TOX: variants seen among roughly 807,000 people sequenced by gnomAD.
The protein encoded by TOX is thymocyte selection-associated high mobility group box protein TOX.
Under a neutral mutation model 53.7 loss-of-function variants are expected in TOX, and 11 were observed. The ratio of observed to expected loss-of-function variants is 0.20; its 90% CI spans 0.13 to 0.34. The LOEUF is 0.34. Among genes scored for constraint, TOX ranks in the 10% least tolerant of loss-of-function variants. The pLI is 1.00. For synonymous variants in TOX, 225 were observed against 245.3 expected (o/e 0.92, Z 0.77); for missense variants, 570 against 664.6 (o/e 0.86, Z 1.56).
intron 1 of TOX, among the ~76,000 whole-genome samples, chr8:58,989,188 C>A (rs1022588190): frequency 2.0e-5 from 3 of 152,006 alleles, no homozygotes; most frequent in African/African-American, 4.8e-5. Context: ...TGGTGGCATG[C>A]ACCTGTAATC....
chr8:58,868,076 C>G (rs1811133001), intron 3 of TOX, among the ~76,000 whole-genome samples: 1 of 152,216 alleles, frequency 6.6e-6, no homozygotes, highest in South Asian at 2.1e-4. Context: ...GCAGGCAGGT[C>G]TTTTCTGTGT....
rs1487129915 is a variant in TOX at position 58,998,519 on chromosome 8, AT to A, written c.103-38512del. Among the ~76,000 whole-genome samples the A allele has an allele frequency of 3.8e-3, 465 of 120,880 alleles. 14 individuals carry two copies. The highest frequency in any genetic ancestry group is 0.015 in the African/African-American group (439 of 29,106). 79.3% of individuals were successfully genotyped at this position (120,880 alleles called of 152,430 possible). The stretch of plus-strand genomic sequence containing the variant: ...TATATATATATATATATATATATAT[AT>A]ATATATATATATATATATAAATTTA... On this transcript the variant is annotated intron_variant, in intron 1 of 8. Coordinates refer to ENST00000361421, the MANE Select transcript of TOX (RefSeq NM_014729.3).
Position 59,019,437 on chromosome 8 carries a change from G to A in TOX, c.103-59429C>T, listed in dbSNP as rs142914406. Among the ~76,000 whole-genome samples the A allele has an allele frequency of 1.2e-4, 18 of 152,282 alleles. 1 individual carries two copies. The East Asian group carries it at 2.7e-3, about 23-fold the overall frequency. On this transcript the variant is annotated intron_variant, in intron 1 of 8. Coordinates refer to ENST00000361421, the MANE Select transcript of TOX (RefSeq NM_014729.3). ...ATGTCCCACTAGGCACAGAGAGAAA[G>A]AGAATGTGGCACAGAAAGAATAGTG... is the stretch of plus-strand genomic sequence containing the variant.
chr8:58,913,958 C>T (rs569395401), intron 3 of TOX, among the ~76,000 whole-genome samples: 26 of 152,232 alleles, frequency 1.7e-4, no homozygotes, highest in East Asian at 1.5e-3. Context: ...ATGGAGAGCA[C>T]GCGCTGAAAG....
At chr8:58,970,274 C>G (rs1459741997) in intron 1 of TOX, among the ~76,000 whole-genome samples, 1 of 152,136 alleles carries the variant, frequency 6.6e-6, no homozygotes, top group Non-Finnish European at 1.5e-5. Context: ...TTTCTCTTGT[C>G]ACTCTACATT....
intron 1 of TOX, among the ~76,000 whole-genome samples, chr8:59,026,122 G>T (rs2326252): frequency 0.046 from 6,961 of 150,640 alleles, 276 homozygotes; most frequent in East Asian, 0.24. Context: ...TTAATTTTAT[G>T]TTTTTTTTTT....
intron 3 of TOX, among the ~76,000 whole-genome samples, chr8:58,912,800 C>T (rs1811929065): frequency 6.6e-6 from 1 of 152,162 alleles, no homozygotes; most frequent in Admixed American, 6.5e-5. Flanking sequence ...CAAACACATG[C>T]TCTCCTATCT....
intron 1 of TOX, among the ~76,000 whole-genome samples, chr8:59,055,318 G>A (rs1803871500): frequency 1.3e-5 from 2 of 152,148 alleles, no homozygotes; most frequent in African/African-American, 4.8e-5. Flanking sequence ...CCCAAGGAGG[G>A]CTTTTCTCTA....
chr8:59,033,924 G>A (rs955327851), intron 1 of TOX, among the ~76,000 whole-genome samples: 2 of 152,168 alleles, frequency 1.3e-5, no homozygotes, highest in African/African-American at 4.8e-5. Context: ...TTTCTTAGCT[G>A]CTCCTGCCCT....
rs750047736 is a variant in TOX at position 58,851,703 on chromosome 8, C to T, written c.514G>A (p.Gly172Arg). ...GQPADIRQQP[G>R]MMPHGQLTTI... ...GTCAGCTGGCCATGTGGCATCATTC[C>T]TGGCTGCTGCCTGATGTCTGCAGGC... The change falls in exon 4 of 9, where the codon GGA becomes AGA. Residue 172 changes from glycine to arginine, a missense_variant. Transcript: ENST00000361421. This position sits in a 1 kb window ranked among gnomAD's most constrained non-coding sequence, Gnocchi z 4.4. 1.2e-6 allele frequency: 2 copies of T among 1,613,492 alleles called. No homozygotes were observed. The highest frequency in any genetic ancestry group is 1.3e-5 in the African/African-American group (1 of 74,854).
intron 6 of TOX, among the ~76,000 whole-genome samples, chr8:58,821,912 C>A (rs1296043818): frequency 6.6e-6 from 1 of 152,130 alleles, no homozygotes; most frequent in African/African-American, 2.4e-5. Context: ...GGATTCGAAT[C>A]CAGATCCACC....
intron 1 of TOX, among the ~76,000 whole-genome samples, chr8:59,025,808 G>A (rs1226526272): frequency 6.6e-6 from 1 of 152,118 alleles, no homozygotes; most frequent in Admixed American, 6.6e-5. Flanking sequence ...TTCTCATACT[G>A]AAGCAGCATC....
chr8:58,844,757 C>A (rs2129167574), intron 4 of TOX, among the ~76,000 whole-genome samples: 1 of 152,226 alleles, frequency 6.6e-6, no homozygotes, highest in East Asian at 1.9e-4. Context: ...GCACTGATTT[C>A]ACCATCAGTT....
chr8:58,959,463 C>T (rs1812764961), intron 2 of TOX, among the ~76,000 whole-genome samples: 1 of 152,120 alleles, frequency 6.6e-6, no homozygotes, highest in Non-Finnish European at 1.5e-5. Context: ...CCTCCCCAGC[C>T]CCCACTCCTT....
intron 1 of TOX, among the ~76,000 whole-genome samples, chr8:59,021,736 A>G (rs1585969397): frequency 6.6e-6 from 1 of 152,058 alleles, no homozygotes; most frequent in African/African-American, 2.4e-5. Context: ...ACTGGTATAT[A>G]CCATTTTGAT....
chr8:59,001,969 C>CT (rs1182278313), intron 1 of TOX, among the ~76,000 whole-genome samples: 1,371 of 114,564 alleles, frequency 0.012, 17 homozygotes, highest in South Asian at 0.025. Flanking sequence ...TACAGAAGTA[C>CT]TTTTTTTTTT....
chr8:58,986,789 C>T (rs891167751), intron 1 of TOX, among the ~76,000 whole-genome samples: 11 of 151,966 alleles, frequency 7.2e-5, no homozygotes, highest in Non-Finnish European at 1.5e-4. Context: ...ACTTATTAGC[C>T]GATAAATGAT....
At chr8:59,006,859 C>T (rs1211835532) in intron 1 of TOX, among the ~76,000 whole-genome samples, 1 of 152,142 alleles carries the variant, frequency 6.6e-6, no homozygotes, top group African/African-American at 2.4e-5. Context: ...AAAAGTTAAG[C>T]CCATTTTGAT....
At chr8:58,864,953 G>C (rs1188152950) in intron 3 of TOX, among the ~76,000 whole-genome samples, 1 of 152,160 alleles carries the variant, frequency 6.6e-6, no homozygotes, top group East Asian at 1.9e-4. Flanking sequence ...AGACTAAATG[G>C]ATGCTTGATG....
Sources: allele counts gnomAD v4.1 joint callset (sites outside exome capture counted in the v4.1 genomes callset), GRCh38; gene constraint gnomAD v4.1.1; non-coding constraint Gnocchi (gnomAD v3.1); transcripts MANE v1.5; gene names NCBI Gene and HGNC (gene_info 2026-07-23, HGNC 2026-07-21).